RBFOX3: variants seen among roughly 807,000 people sequenced by gnomAD.
RBFOX3 encodes RNA binding protein fox-1 homolog 3.
A neutral mutation model predicts 48.7 loss-of-function variants in RBFOX3; 17 were observed. The observed-to-expected ratio is 0.35, with a 90% CI of 0.24 to 0.52. The LOEUF is 0.52. Among genes scored for constraint, RBFOX3 ranks in the 20% least tolerant of loss-of-function variants. RBFOX3 has a pLI of 0.94. For missense variants in RBFOX3, 382 were observed against 497.5 expected, an observed-to-expected ratio of 0.77 and a Z score of 2.21; for synonymous variants, 212 against 209.5, an observed-to-expected ratio of 1.01 and a Z score of -0.10.
chr17:79,442,239 G>A (rs1411004886), intron 2 of RBFOX3, among the ~76,000 whole-genome samples: 1,478 of 8,204 alleles, frequency 0.18, 301 homozygotes, highest in Non-Finnish European at 0.21. Context: ...GAGAGAGAGA[G>A]AGAGAGAGAG....
At chr17:79,350,567 A>G (rs952175683) in intron 2 of RBFOX3, among the ~76,000 whole-genome samples, 3 of 152,212 alleles carry the variant, frequency 2.0e-5, no homozygotes, top group Admixed American at 6.5e-5. Flanking sequence ...AGTCCTGGGC[A>G]AGTCCAGCCA....
intron 4 of RBFOX3, among the ~76,000 whole-genome samples, chr17:79,147,860 T>A (rs557197364): frequency 2.0e-5 from 3 of 152,360 alleles, no homozygotes; most frequent in Admixed American, 2.0e-4. Flanking sequence ...TGCTAATGAC[T>A]GTCAACATGA....
At chr17:79,182,949 C>G (rs2146182648) in intron 4 of RBFOX3, among the ~76,000 whole-genome samples, 1 of 150,762 alleles carries the variant, frequency 6.6e-6, no homozygotes, top group South Asian at 2.1e-4. Flanking sequence ...GCCGAGAACC[C>G]CCGCCCCCTC....
At chr17:79,176,646 T>G (rs1381012542) in intron 4 of RBFOX3, among the ~76,000 whole-genome samples, 1 of 151,684 alleles carries the variant, frequency 6.6e-6, no homozygotes, top group Admixed American at 6.6e-5. Flanking sequence ...GGTGGATGGG[T>G]TGGCTGGAGG....
chr17:79,164,710 C>T (rs536491993), intron 4 of RBFOX3, among the ~76,000 whole-genome samples: 2 of 152,280 alleles, frequency 1.3e-5, no homozygotes, highest in South Asian at 2.1e-4. Context: ...GTGGGAAGGC[C>T]GGGGGTCCAG....
chr17:79,121,524 C>T (rs575498972), intron 4 of RBFOX3, among the ~76,000 whole-genome samples: 32 of 152,306 alleles, frequency 2.1e-4, no homozygotes, highest in African/African-American at 6.7e-4. Flanking sequence ...TTCCCTGAAG[C>T]CACCTTTGTC....
intron 2 of RBFOX3, among the ~76,000 whole-genome samples, chr17:79,462,099 G>A (rs1377438131): frequency 6.6e-6 from 1 of 152,208 alleles, no homozygotes; most frequent in Non-Finnish European, 1.5e-5. Flanking sequence ...TTATGGATGT[G>A]TTCAGTGTCT....
At chr17:79,526,423 A>G (rs2086803604) in intron 1 of RBFOX3, among the ~76,000 whole-genome samples, 1 of 152,234 alleles carries the variant, frequency 6.6e-6, no homozygotes, top group Non-Finnish European at 1.5e-5. Flanking sequence ...CACCTATCAC[A>G]CGATCCTAAA....
intron 2 of RBFOX3, among the ~76,000 whole-genome samples, chr17:79,345,337 G>A (rs776764167): frequency 2.7e-4 from 41 of 152,306 alleles, no homozygotes; most frequent in Non-Finnish European, 5.7e-4. Flanking sequence ...ACTGAGATTG[G>A]TAATTTGTCT....
intron 4 of RBFOX3, among the ~76,000 whole-genome samples, chr17:79,206,764 G>C (rs923068470): frequency 6.6e-6 from 1 of 152,168 alleles, no homozygotes; most frequent in African/African-American, 2.4e-5. Context: ...GGCTATGGCA[G>C]CTGGTGGATG....
chr17:79,497,950 A>G (rs1028155644), intron 1 of RBFOX3, among the ~76,000 whole-genome samples: 9 of 152,220 alleles, frequency 5.9e-5, no homozygotes, highest in Non-Finnish European at 1.3e-4. Flanking sequence ...AGACCCCTAG[A>G]AGAGCAGATG....
intron 3 of RBFOX3, chr17:79,298,067 G>A (rs1385367350): frequency 1.3e-5 from 2 of 152,188 alleles, no homozygotes; most frequent in Admixed American, 6.5e-5. Flanking sequence ...AGAGCAAACA[G>A]TTAAAGGTAG....
chr17:79,115,603 G>A lies in RBFOX3; in HGVS notation c.113C>T (p.Pro38Leu), dbSNP rs546031413. The A allele has an allele frequency of 3.5e-6, 5 of 1,427,752 alleles. No individual in the cohort carries two copies. The highest frequency in any genetic ancestry group is 1.5e-5 in the African/African-American group (1 of 68,042). The allele number at this position is 1,427,752 out of a possible 1,614,324, so 88.4% of individuals were successfully genotyped here. Residue 38 changes from proline (P) to leucine (L), a missense_variant, in exon 5 of 15, where the codon CCG (proline) becomes CTG (leucine). By Grantham distance (98) the Pro-to-Leu change is moderately conservative. This residue lies in a region of RBFOX3 where 118 missense variants were observed against 132.1 expected (regional missense o/e 0.89). Coordinates refer to ENST00000693108, the MANE Select transcript of RBFOX3 (RefSeq NM_001350451.2). ...GGTCATGCCATGCTCTGTGGGGACC[G>A]GGGTCTGGCCGGAGTAGTCCTGCGT... ...HPTQDYSGQT[P>L]VPTEHGMTLY...
chr17:79,507,525 G>A (rs974569018), intron 1 of RBFOX3, among the ~76,000 whole-genome samples: 2 of 152,084 alleles, frequency 1.3e-5, no homozygotes, highest in Non-Finnish European at 2.9e-5. Context: ...ACGGGGAAGG[G>A]TGGGCAGTCC....
At chr17:79,268,202 T>C (rs1346196816) in intron 3 of RBFOX3, among the ~76,000 whole-genome samples, 1 of 152,176 alleles carries the variant, frequency 6.6e-6, no homozygotes, top group East Asian at 1.9e-4. Context: ...GGGGAGCATC[T>C]GCTCAGGACT....
At chr17:79,608,620 G>A (rs2093892821) in intron 1 of RBFOX3, among the ~76,000 whole-genome samples, 1 of 152,116 alleles carries the variant, frequency 6.6e-6, no homozygotes, top group Non-Finnish European at 1.5e-5. Flanking sequence ...TCTCGGCTTG[G>A]GTGCGTCCCT....
rs78721089 is a variant in RBFOX3, at chr17:79,094,083, C to T, written c.1077+368G>A. ...AGCCCCGGGGCCTTGGGAGCCTCTGCTGGGAAGGAGAGGCGGCCCTGGTTT... is the reference window on the plus strand; with the variant it reads ...AGCCCCGGGGCCTTGGGAGCCTCTGTTGGGAAGGAGAGGCGGCCCTGGTTT... On this transcript the variant is annotated intron_variant, in intron 14 of 14. Coordinates refer to ENST00000693108, the MANE Select transcript of RBFOX3 (RefSeq NM_001350451.2). Among the ~76,000 whole-genome samples the T allele has an allele frequency of 3.6e-3, 551 of 152,298 alleles. 16 individuals carry two copies. The East Asian group carries it at 0.066, about 18-fold the overall frequency.
intron 9 of RBFOX3, 167 bp from the exon 10 acceptor site, chr17:79,097,912 T>A: frequency 3.0e-6 from 2 of 669,140 alleles, no homozygotes; most frequent in Non-Finnish European, 5.4e-6. Flanking sequence ...AGTGCTGAGT[T>A]CAAAACACCA....
intron 2 of RBFOX3, among the ~76,000 whole-genome samples, chr17:79,436,704 A>G (rs536117030): frequency 5.3e-5 from 8 of 152,288 alleles, no homozygotes; most frequent in African/African-American, 1.7e-4. Context: ...TAAAGGGGGA[A>G]GAAAGAAGAA....
Sources: allele counts gnomAD v4.1 joint callset (sites outside exome capture counted in the v4.1 genomes callset), GRCh38; gene constraint gnomAD v4.1.1; regional missense constraint gnomAD v4.1.1; transcripts MANE v1.5; gene names NCBI Gene and HGNC (gene_info 2026-07-23, HGNC 2026-07-21).